The following FHIT variants were observed in gnomAD, a reference collection of about 807,000 sequenced individuals.
The protein encoded by FHIT is fragile histidine triad diadenosine triphosphatase.
In FHIT, 19 loss-of-function variants were observed where a neutral mutation model predicts 17.9. The ratio of observed to expected loss-of-function variants is 1.06; its 90% CI spans 0.74 to 1.56. FHIT has a LOEUF of 1.56. Ranked by LOEUF, FHIT falls within the 40% of genes most tolerant of loss-of-function variation. FHIT has a pLI of 0.00. For missense variants in FHIT, 248 were observed against 189.2 expected (o/e 1.31, Z -1.82); for synonymous variants, 81 against 69.7 (o/e 1.16, Z -0.81).
intron 5 of FHIT, among the ~76,000 whole-genome samples, chr3:60,349,780 G>C (rs1338975947): frequency 6.6e-6 from 1 of 152,152 alleles, no homozygotes; most frequent in Non-Finnish European, 1.5e-5. Flanking sequence ...ATGTTGGAAA[G>C]CCAGTTCCAT....
intron 4 of FHIT, among the ~76,000 whole-genome samples, chr3:60,568,829 A>G (rs1468675670): frequency 6.6e-6 from 1 of 152,166 alleles, no homozygotes; most frequent in African/African-American, 2.4e-5. Context: ...TTAAAGAGGT[A>G]GAAGGTATGA....
chr3:60,563,548 G>A (rs1293872763), intron 4 of FHIT, among the ~76,000 whole-genome samples: 1 of 152,214 alleles, frequency 6.6e-6, no homozygotes, highest in Non-Finnish European at 1.5e-5. Context: ...AAACAGCCAC[G>A]CTGTGAATGC....
At chr3:59,908,429 C>A (rs115634228) in intron 8 of FHIT, among the ~76,000 whole-genome samples, 192 of 152,312 alleles carry the variant, frequency 1.3e-3, no homozygotes, top group African/African-American at 4.4e-3. Context: ...AGTAAGTGTC[C>A]TTCATGTGCT....
chr3:60,305,332 G>A (rs560451232), intron 5 of FHIT, among the ~76,000 whole-genome samples: 2 of 152,120 alleles, frequency 1.3e-5, no homozygotes, highest in African/African-American at 4.8e-5. Context: ...TGATGTAGTG[G>A]GGACAAATCA....
chr3:60,535,994 G>A (rs888829723), intron 5 of FHIT: 1 of 151,972 alleles, frequency 6.6e-6, no homozygotes, highest in African/African-American at 2.4e-5. Context: ...GTCTCAGCGT[G>A]GAAAATACTT....
intron 5 of FHIT, among the ~76,000 whole-genome samples, chr3:60,417,475 T>C (rs953426038): frequency 6.6e-6 from 1 of 152,166 alleles, no homozygotes; most frequent in Non-Finnish European, 1.5e-5. Context: ...GGATTTGTCT[T>C]TCAACAACTA....
At chr3:60,093,078 A>C (rs1703796895) in intron 5 of FHIT, among the ~76,000 whole-genome samples, 1 of 152,192 alleles carries the variant, frequency 6.6e-6, no homozygotes, top group Non-Finnish European at 1.5e-5. Context: ...CTATGGCTGC[A>C]GTAACAGATT....
chr3:60,891,959 A>C (rs1559805669), intron 3 of FHIT, among the ~76,000 whole-genome samples: 1 of 152,340 alleles, frequency 6.6e-6, no homozygotes, highest in Admixed American at 6.5e-5. Flanking sequence ...ACTGGAAACC[A>C]AGTCTTCATG....
At chr3:61,203,056 T>A (rs1393053035) in intron 1 of FHIT, among the ~76,000 whole-genome samples, 1 of 151,892 alleles carries the variant, frequency 6.6e-6, no homozygotes, top group Non-Finnish European at 1.5e-5. Context: ...ACCAGGCGCC[T>A]GTAGTCCCAG....
At chr3:60,855,808 T>G (rs2106933475) in intron 3 of FHIT, among the ~76,000 whole-genome samples, 1 of 152,150 alleles carries the variant, frequency 6.6e-6, no homozygotes, top group Non-Finnish European at 1.5e-5. Flanking sequence ...GATATATGTT[T>G]CCCTCTCTCC....
chr3:60,617,073 G>A (rs1324086306), intron 4 of FHIT: 2 of 217,656 alleles, frequency 9.2e-6, no homozygotes, highest in African/African-American at 2.3e-5. Flanking sequence ...CGACAGCCTG[G>A]AGTTTTTAAC....
intron 2 of FHIT, among the ~76,000 whole-genome samples, chr3:61,166,815 G>A (rs542873231): frequency 6.6e-6 from 1 of 152,348 alleles, no homozygotes; most frequent in African/African-American, 2.4e-5. Context: ...GGGCACACAG[G>A]TGTGGTGTCT....
chr3:60,680,542 A>C (rs2040721864), intron 4 of FHIT, among the ~76,000 whole-genome samples: 1 of 141,748 alleles, frequency 7.1e-6, no homozygotes, highest in Non-Finnish European at 1.5e-5. Context: ...GGTTTTTAAA[A>C]TCCAAATTTC....
chr3:60,119,817 A>G (rs1021830616), intron 5 of FHIT, among the ~76,000 whole-genome samples: 1 of 152,142 alleles, frequency 6.6e-6, no homozygotes, highest in African/African-American at 2.4e-5. Flanking sequence ...TCTACCACAG[A>G]GCTGTCACAT....
intron 5 of FHIT, among the ~76,000 whole-genome samples, chr3:60,278,276 A>T (rs377056885): frequency 5.3e-5 from 8 of 152,272 alleles, no homozygotes; most frequent in South Asian, 2.1e-4. Flanking sequence ...CCATTTTGGA[A>T]GTTTCCCAGA....
intron 7 of FHIT, among the ~76,000 whole-genome samples, chr3:59,983,892 T>G (rs1038751460): frequency 1.3e-5 from 2 of 152,048 alleles, no homozygotes; most frequent in South Asian, 4.2e-4. Flanking sequence ...ATTAATCCAG[T>G]CATGAGGGAG....
At chr3:60,665,511 T>A (rs1553692238) in intron 4 of FHIT, among the ~76,000 whole-genome samples, 1 of 152,060 alleles carries the variant, frequency 6.6e-6, no homozygotes, top group African/African-American at 2.4e-5. Context: ...CATTCTTTTA[T>A]CATTATATAA....
At chr3:60,712,074 C>G (rs1195680783) in intron 4 of FHIT, among the ~76,000 whole-genome samples, 1 of 152,198 alleles carries the variant, frequency 6.6e-6, no homozygotes, top group African/African-American at 2.4e-5. Context: ...CAGCTGATCT[C>G]TCGGCAGAAA....
intron 4 of FHIT, among the ~76,000 whole-genome samples, chr3:60,613,532 A>G (rs1338971296): frequency 2.6e-5 from 4 of 152,022 alleles, no homozygotes; most frequent in Non-Finnish European, 5.9e-5. Flanking sequence ...TGGAGCCTGG[A>G]TTATCTTTTC....
Sources: gnomAD v4.1 joint callset for allele counts (sites outside exome capture counted in the v4.1 genomes callset) on GRCh38, gnomAD v4.1.1 for gene constraint, MANE v1.5 for transcripts, NCBI Gene and HGNC (gene_info 2026-07-23, HGNC 2026-07-21) for gene names.